Variants in TSEN34 observed in about 807,000 individuals in gnomAD.
The protein encoded by TSEN34 is tRNA-splicing endonuclease subunit Sen34.
Under a neutral mutation model 30.2 loss-of-function variants are expected in TSEN34, and 25 were observed. The ratio of observed to expected loss-of-function variants is 0.83; its 90% CI spans 0.60 to 1.16. The LOEUF (loss-of-function observed/expected upper bound fraction) is 1.16, where lower values mean the gene tolerates loss of function less well. TSEN34 is among the 50% of genes most tolerant of loss of function. The probability of loss-of-function intolerance (pLI) is 0.00; values close to 1 mark genes in which losing one functional copy is unlikely to be tolerated. For synonymous variants in TSEN34, 209 were observed against 177.4 expected (o/e 1.18, Z -1.41); for missense variants, 475 against 411.9 (o/e 1.15, Z -1.33).
In TSEN34 at chr19:54,193,532, A is replaced by C; in HGVS notation, c.*170A>C. On this transcript the variant is annotated 3_prime_UTR_variant, in exon 4 of 4. Coordinates refer to ENST00000396388, the MANE Select transcript of TSEN34 (RefSeq NM_001077446.4). Reference sequence around the variant, plus strand: ...TTTATGTTCTTCCTTGTTTCAAAGCACTTATTGGCTGTGTTTTTGTAGTTA... The same window carrying C: ...TTTATGTTCTTCCTTGTTTCAAAGCCCTTATTGGCTGTGTTTTTGTAGTTA... The C allele has an allele frequency of 2.6e-6, 4 of 1,537,200 alleles. No individual in the cohort carries two copies. In the South Asian group the frequency reaches 3.6e-5, roughly 14 times the overall value.
chr19:54,190,472 G>T, upstream of TSEN34: 1 of 1,386,086 alleles, frequency 7.2e-7, no homozygotes, highest in Non-Finnish European at 9.4e-7. Context: ...CGAGCGGAGA[G>T]TGGACGGCGG....
In TSEN34 at chr19:54,191,798, C is replaced by G; in HGVS notation, c.321C>G (p.Thr107=). The G allele has an allele frequency of 2.5e-6, 4 of 1,614,182 alleles. No individual in the cohort carries two copies. The highest frequency in any genetic ancestry group is 3.4e-6 in the Non-Finnish European group (4 of 1,180,046). Residue 107 remains threonine, a synonymous_variant, in exon 2 of 4, where the codon ACC becomes ACG. Coordinates refer to ENST00000396388, the MANE Select transcript of TSEN34 (RefSeq NM_001077446.4). ...QSALAAEARE[T]RRQELLEKIT... Reference sequence around the variant, plus strand: ...CCTTGGCAGCTGAGGCCCGGGAGACCCGTCGTCAGGAGCTCCTGGAGAAGA... The same window carrying G: ...CCTTGGCAGCTGAGGCCCGGGAGACGCGTCGTCAGGAGCTCCTGGAGAAGA...
upstream of TSEN34, chr19:54,190,391 G>T (rs534978453): frequency 3.3e-6 from 5 of 1,497,688 alleles, no homozygotes; most frequent in Middle Eastern, 1.7e-4. Context: ...TGGTTCTATC[G>T]GTGGACAGTG....
intron 3 of TSEN34, 37 bp downstream of exon 3, chr19:54,192,410 T>A: frequency 1.2e-6 from 2 of 1,613,338 alleles, no homozygotes; most frequent in Non-Finnish European, 1.7e-6. Flanking sequence ...GCTGTGCCTT[T>A]CCATACGATC....
At position 54,191,627 on chromosome 19, in the gene TSEN34, A is replaced by T. The variant is rs772763414; in HGVS notation, c.243+20A>T. 1.9e-6 allele frequency: 3 copies of T among 1,605,616 alleles called. No individual in the cohort carries two copies. Among genetic ancestry groups the T allele is most frequent in the African/African-American group, 2.7e-5 (2 of 74,836 alleles). On this transcript the variant is annotated intron_variant, in intron 1 of 3. Transcript: ENST00000396388. ...AGCCTGGTAAGGGGGCGGGGCTCGA[A>T]CTCGGGTTCGGTGGGAGCGGGACCT...
At position 54,194,055 on chromosome 19, in the gene TSEN34, A is replaced by G. The variant is rs1177651520; in HGVS notation, c.*693A>G. ...AGTCTCTACAAAAAATAATTTAAAAAAAAATTAGCCAGGGATCCCTTGAGC... is the reference window on the plus strand; with the variant it reads ...AGTCTCTACAAAAAATAATTTAAAAGAAAATTAGCCAGGGATCCCTTGAGC... On this transcript the variant is annotated 3_prime_UTR_variant, in exon 4 of 4. Coordinates refer to ENST00000396388, the MANE Select transcript of TSEN34 (RefSeq NM_001077446.4). 5.4e-6 allele frequency: 1 copy of G among 183,524 alleles called. No homozygotes were observed. Among genetic ancestry groups the G allele is most frequent in the Non-Finnish European group, 1.1e-5 (1 of 87,070 alleles). The allele number at this position is 183,524 out of a possible 1,614,324, so 11.4% of individuals were successfully genotyped here.
At chr19:54,191,270 C>A (rs1468785895), upstream of TSEN34, 17 of 1,522,482 alleles carry the variant, frequency 1.1e-5, no homozygotes, top group South Asian at 1.3e-5. Context: ...AGGGGCGGGG[C>A]TTCGCCGAGA....
At chr19:54,190,974 C>T (rs138670447), upstream of TSEN34, 10 of 1,087,564 alleles carry the variant, frequency 9.2e-6, no homozygotes, top group African/African-American at 1.7e-4. Flanking sequence ...CCAAAATGGA[C>T]CTTTGTAAGG....
At chr19:54,190,414 G>A (rs886054623), upstream of TSEN34, 3 of 1,464,210 alleles carry the variant, frequency 2.0e-6, no homozygotes, top group South Asian at 1.4e-5. Context: ...ACATTCTGAA[G>A]GGAGGCAAGG....
chr19:54,193,413 G>A lies in TSEN34; in HGVS notation c.*51G>A. 6.2e-7 allele frequency: 1 copy of A among 1,611,130 alleles called. No homozygotes were observed. Among genetic ancestry groups the A allele is most frequent in the Non-Finnish European group, 8.5e-7 (1 of 1,178,752 alleles). The stretch of plus-strand genomic sequence containing the variant: ...TGTGTCGGCAGCAAGAGCCTTTCTG[G>A]ATGTTCCCCAGCTCTTCTCTGGGAG... On this transcript the variant is annotated 3_prime_UTR_variant, in exon 4 of 4. Transcript: ENST00000396388.
intron 3 of TSEN34, among the ~76,000 whole-genome samples, chr19:54,192,756 A>G (rs1318722952): frequency 1.3e-5 from 2 of 152,110 alleles, no homozygotes; most frequent in African/African-American, 4.8e-5. Flanking sequence ...TGTAATCCCA[A>G]CACTTTGGGA....
chr19:54,190,736 A>G, upstream of TSEN34: 2 of 1,193,316 alleles, frequency 1.7e-6, no homozygotes, highest in East Asian at 3.8e-5. Context: ...GGAGCCGAGG[A>G]CGCCCGAACG....
chr19:54,194,050 T>TA lies in TSEN34; in HGVS notation c.*697dup, dbSNP rs971083974. On this transcript the variant is annotated 3_prime_UTR_variant, in exon 4 of 4. Coordinates refer to ENST00000396388, the MANE Select transcript of TSEN34 (RefSeq NM_001077446.4). ...TACCCAGTCTCTACAAAAAATAATT[T>TA]AAAAAAAAATTAGCCAGGGATCCCT... 1.6e-4 allele frequency: 29 copies of TA among 182,056 alleles called. No individual in the cohort carries two copies. The highest frequency in any genetic ancestry group is 2.6e-3 in the Middle Eastern group (1 of 392). The allele number at this position is 182,056 out of a possible 1,614,324, so 11.3% of individuals were successfully genotyped here.
rs1355120992 is a variant in TSEN34, at chr19:54,192,158, C to T, written c.530C>T (p.Pro177Leu). 1.9e-6 allele frequency: 3 copies of T among 1,614,114 alleles called. No individual in the cohort carries two copies. Among genetic ancestry groups the T allele is most frequent in the African/African-American group, 2.7e-5 (2 of 74,946 alleles). ...GCAGGACCCTCAAATGGGGTAGCCC[C>T]CTTGCCCAGATCTGCTCTCCTTGTC... ...SQAGPSNGVAPLPRSALLVQL... is the reference protein window; with the variant it reads ...SQAGPSNGVALLPRSALLVQL... Residue 177 changes from proline to leucine, a missense_variant, in exon 3 of 4, where the codon CCC becomes CTC. Pro to Leu is a moderately conservative substitution (Grantham distance 98). Transcript: ENST00000396388.
At chr19:54,191,307 C>A, upstream of TSEN34, 4 of 1,546,488 alleles carry the variant, frequency 2.6e-6, no homozygotes, top group South Asian at 3.6e-5. Context: ...TGCGCTGCAG[C>A]GGTCCGCGGC....
In TSEN34 at chr19:54,193,979, A is replaced by T. The variant is rs1350474551; in HGVS notation, c.*617A>T. 1 of 368,156 alleles carries T rather than the reference A, an allele frequency of 2.7e-6. No individual in the cohort carries two copies. The highest frequency in any genetic ancestry group is 2.1e-5 in the African/African-American group (1 of 47,946). The allele number at this position is 368,156 out of a possible 1,614,324, so 22.8% of individuals were successfully genotyped here. A position where few individuals can be genotyped will look rare whatever the true frequency, so the allele number is the denominator to read the frequency against. ...AACTTTTGGAGGCCAAGGCAGGGGG[A>T]TCGCTTGAGCCCAGGAGTTTGAGAC... On this transcript the variant is annotated 3_prime_UTR_variant, in exon 4 of 4. Transcript: ENST00000396388.
chr19:54,192,286 C>T lies in TSEN34; in HGVS notation c.658C>T (p.Arg220Cys), dbSNP rs777672748. ...CGCCGGCCGCCCTGCCCACGAGCTG[C>T]GCTACAGTATCTACAGAGACCTGTG... ...PHAGRPAHEL[R>C]YSIYRDLWER... is the part of the protein sequence containing the mutation. Residue 220 changes from arginine to cysteine, a missense_variant, in exon 3 of 4, where the codon CGC becomes TGC. Transcript: ENST00000396388. 3 of 1,614,118 alleles carry T rather than the reference C, an allele frequency of 1.9e-6. No individual in the cohort carries two copies. The highest frequency in any genetic ancestry group is 1.7e-4 in the Middle Eastern group (1 of 6,042).
At chr19:54,192,519 C>T (rs2076749538) in intron 3 of TSEN34, 146 bp downstream of exon 3, 3 of 1,116,574 alleles carry the variant, frequency 2.7e-6, no homozygotes, top group Non-Finnish European at 3.8e-6. Flanking sequence ...CTCAAGCAAT[C>T]CTTCCACCTC....
chr19:54,193,581 C>A lies in TSEN34; in HGVS notation c.*219C>A, dbSNP rs1480089042. On this transcript the variant is annotated 3_prime_UTR_variant, in exon 4 of 4. Coordinates refer to ENST00000396388, the MANE Select transcript of TSEN34 (RefSeq NM_001077446.4). ...TACCTATTTTCACACTGTGAGCTTC[C>A]CGAGAATGGGGCCTGGGTTTGATTC... 1.3e-6 allele frequency: 2 copies of A among 1,493,728 alleles called. No homozygotes were observed. Among genetic ancestry groups the A allele is most frequent in the South Asian group, 2.4e-5 (2 of 83,150 alleles). The allele number at this position is 1,493,728 out of a possible 1,614,324, so 92.5% of individuals were successfully genotyped here. A position where few individuals can be genotyped will look rare whatever the true frequency, so the allele number is the denominator to read the frequency against.
Sources: allele counts gnomAD v4.1 joint callset (sites outside exome capture counted in the v4.1 genomes callset), GRCh38; gene constraint gnomAD v4.1.1; transcripts MANE v1.5; gene names NCBI Gene and HGNC (gene_info 2026-07-23, HGNC 2026-07-21).